MCF2: variants seen among roughly 807,000 people sequenced by gnomAD.
MCF2 encodes the protein MCF.2 cell line derived transforming sequence.
A neutral mutation model predicts 82.5 loss-of-function variants in MCF2; 44 were observed. That is an observed-to-expected ratio of 0.53 (90% CI 0.42 to 0.69). MCF2 has a LOEUF of 0.69. Among genes scored for constraint, MCF2 ranks in the 30% least tolerant of loss-of-function variants. The pLI, the probability that MCF2 is intolerant of heterozygous loss-of-function variation, is 0.00. For missense variants in MCF2, 623 were observed against 663.1 expected, an observed-to-expected ratio of 0.94 and a Z score of 0.66; for synonymous variants, 217 against 224.9, an observed-to-expected ratio of 0.96 and a Z score of 0.32.
chrX:139,699,062 A>G (rs759709762), intron 1 of MCF2, among the ~76,000 whole-genome samples: 5 of 111,785 alleles, frequency 4.5e-5, no homozygotes, highest in African/African-American at 1.6e-4. Flanking sequence ...CCAAAGCATA[A>G]CTAGATCTAG....
At chrX:139,634,830 T>C (rs1196710838) in intron 1 of MCF2, among the ~76,000 whole-genome samples, 8 of 111,776 alleles carry the variant, frequency 7.2e-5, no homozygotes, top group Non-Finnish European at 1.5e-4. Flanking sequence ...ACATGGTGAT[T>C]CATGCCTGTA....
intron 11 of MCF2, 79 bp from the exon 16 acceptor site, chrX:139,607,858 G>A (rs1931169918): frequency 3.3e-6 from 2 of 610,178 alleles, no homozygotes; most frequent in African/African-American, 2.3e-5. Flanking sequence ...CTCAAATTAA[G>A]TTTATTCTAG....
rs1195636576 is a variant in MCF2 at position 139,595,869 on chromosome X, TGTAA to T, written c.2277+676_2277+679del. Among the ~76,000 whole-genome samples the T allele has an allele frequency of 5.4e-5, 6 of 111,917 alleles. No homozygotes were observed. The Admixed American group carries it at 5.7e-4, about 11-fold the overall frequency. ...CTTCTTCTCTATTGGAGAAACCAGC[TGTAA>T]GTATCATTGGGTTGTCAATAACTTC... is the stretch of plus-strand genomic sequence containing the variant. On this transcript the variant is annotated intron_variant, in intron 19 of 24. Transcript: ENST00000370576.
At chrX:139,706,888 AATTATT>A (rs758019893) in intron 1 of MCF2, among the ~76,000 whole-genome samples, 7 of 109,497 alleles carry the variant, frequency 6.4e-5, no homozygotes, top group Non-Finnish European at 7.6e-5. Context: ...TTTCAGACAT[AATTATT>A]ATTATTATTA....
chrX:139,641,574 T>C (rs920038468), intron 1 of MCF2, among the ~76,000 whole-genome samples: 17 of 111,438 alleles, frequency 1.5e-4, no homozygotes, highest in African/African-American at 5.5e-4. Flanking sequence ...TTTTACCTTC[T>C]TATCTGTGTG....
intron 7 of MCF2, 110 bp downstream of exon 10, chrX:139,619,477 T>A (rs1357382769): frequency 2.1e-5 from 12 of 559,887 alleles, no homozygotes; most frequent in Non-Finnish European, 3.0e-5. Flanking sequence ...CAGTAACTTA[T>A]GGAAAAATAA....
intron 1 of MCF2, among the ~76,000 whole-genome samples, chrX:139,691,291 G>T (rs1298058283): frequency 7.2e-5 from 8 of 111,496 alleles, no homozygotes; most frequent in African/African-American, 2.6e-4. Context: ...CCCTGCCACG[G>T]CCCTGCTGCT....
At chrX:139,597,969 C>T (rs995787441) in intron 17 of MCF2, among the ~76,000 whole-genome samples, 2 of 111,625 alleles carry the variant, frequency 1.8e-5, no homozygotes, top group African/African-American at 6.5e-5. Flanking sequence ...CACTTTAAAA[C>T]AAGCCATATT....
At chrX:139,639,879 G>C (rs1007403881) in intron 1 of MCF2, among the ~76,000 whole-genome samples, 3 of 111,619 alleles carry the variant, frequency 2.7e-5, no homozygotes, top group African/African-American at 6.5e-5. Flanking sequence ...TTAGGGTAAA[G>C]AAAGGCAGTA....
chrX:139,663,337 T>C (rs1445179596), intron 1 of MCF2, among the ~76,000 whole-genome samples: 1 of 112,307 alleles, frequency 8.9e-6, no homozygotes, highest in East Asian at 2.8e-4. Context: ...TCCTGAAGAA[T>C]GTTCCATGTG....
intron 1 of MCF2, among the ~76,000 whole-genome samples, chrX:139,664,675 A>C (rs921757114): frequency 8.9e-6 from 1 of 112,514 alleles, no homozygotes; most frequent in Non-Finnish European, 1.9e-5. Context: ...ACTGTGGCTG[A>C]GCTAGTACCT....
chrX:139,699,498 C>T (rs1242909589), intron 1 of MCF2, among the ~76,000 whole-genome samples: 1 of 112,152 alleles, frequency 8.9e-6, no homozygotes, highest in Non-Finnish European at 1.9e-5. Flanking sequence ...TTAGCTGTCA[C>T]TTCTTAAGGC....
chrX:139,707,047 T>A (rs1340041605), intron 1 of MCF2, among the ~76,000 whole-genome samples: 1 of 110,337 alleles, frequency 9.1e-6, no homozygotes, highest in Non-Finnish European at 1.9e-5. Flanking sequence ...AAAGGGAATT[T>A]CAGAAAGAGA....
intron 11 of MCF2, among the ~76,000 whole-genome samples, chrX:139,609,055 T>C (rs1353451873): frequency 1.8e-5 from 2 of 112,129 alleles, no homozygotes; most frequent in Non-Finnish European, 3.8e-5. Flanking sequence ...ATGATGAGAG[T>C]GTTCTATTTT....
chrX:139,693,562 A>G (rs751988878), intron 1 of MCF2, among the ~76,000 whole-genome samples: 3 of 110,167 alleles, frequency 2.7e-5, no homozygotes, highest in African/African-American at 9.9e-5. Flanking sequence ...TGCTTTTTCA[A>G]CTTCTCGGAG....
At chrX:139,635,660 A>G (rs772297266) in intron 1 of MCF2, among the ~76,000 whole-genome samples, 7 of 109,129 alleles carry the variant, frequency 6.4e-5, no homozygotes, top group Non-Finnish European at 1.2e-4. Flanking sequence ...CTGCCGAAAA[A>G]AAATATATAT....
chrX:139,642,424 G>C lies in MCF2; in HGVS notation c.51+44C>G, dbSNP rs779366415. On this transcript the variant is annotated intron_variant, in intron 1 of 24. Coordinates refer to ENST00000370576, the Ensembl canonical transcript of MCF2. ...ACCATGCTGCAGCATCCCAGCACTT[G>C]AACTTGGGAACAGGCTTTCCAGGAG... 4 of 1,209,589 alleles carry C rather than the reference G, an allele frequency of 3.3e-6. No homozygotes were observed. The South Asian group carries it at 5.3e-5, about 16-fold the overall frequency.
chrX:139,668,321 T>C (rs1337488880), intron 1 of MCF2, among the ~76,000 whole-genome samples: 2 of 111,885 alleles, frequency 1.8e-5, no homozygotes, highest in Non-Finnish European at 3.8e-5. Flanking sequence ...TGTTAAAGGC[T>C]AAGACTGCAA....
exon 1 of MCF2, chrX:139,642,708 T>C: frequency 6.5e-6 from 7 of 1,081,198 alleles, no homozygotes; most frequent in Non-Finnish European, 8.3e-6. Context: ...CCACTATCCC[T>C]GATTAGTCAG....
Sources: allele counts gnomAD v4.1 joint callset (sites outside exome capture counted in the v4.1 genomes callset), GRCh38; gene constraint gnomAD v4.1.1; transcripts MANE v1.5; gene names NCBI Gene and HGNC (gene_info 2026-07-23, HGNC 2026-07-21).